Variants in CLNK observed in about 807,000 individuals in gnomAD.
CLNK encodes the protein cytokine dependent hematopoietic cell linker.
In CLNK, 74 loss-of-function variants were observed where a neutral mutation model predicts 68.6. The ratio of observed to expected loss-of-function variants is 1.08; its 90% CI spans 0.89 to 1.31. CLNK has a LOEUF of 1.31. Ranked by LOEUF, CLNK falls within the 50% of genes most tolerant of loss-of-function variation. The probability of loss-of-function intolerance (pLI) is 0.00; values close to 1 mark genes in which losing one functional copy is unlikely to be tolerated. For synonymous variants in CLNK, 198 were observed against 172.2 expected, an observed-to-expected ratio of 1.15 and a Z score of -1.17; for missense variants, 553 against 515.3, an observed-to-expected ratio of 1.07 and a Z score of -0.71.
chr4:10,610,692 C>T lies in CLNK; in HGVS notation c.12-12643G>A, dbSNP rs1429046040. Among the ~76,000 whole-genome samples the T allele has an allele frequency of 3.3e-5, 5 of 151,686 alleles. No individual in the cohort carries two copies. In the East Asian group the frequency reaches 5.8e-4, roughly 18 times the overall value. The stretch of plus-strand genomic sequence containing the variant: ...ATTACCCCTTTTATAGGTCCATAGA[C>T]GTGTTCCTGGTGGTTTAATTTATAG... On this transcript the variant is annotated intron_variant, in intron 2 of 18. Transcript: ENST00000226951.
At chr4:10,512,389 C>T (rs1717627631) in intron 16 of CLNK, among the ~76,000 whole-genome samples, 1 of 152,032 alleles carries the variant, frequency 6.6e-6, no homozygotes, top group African/African-American at 2.4e-5. Context: ...TGCCACCACG[C>T]CTGGCTAATT....
At chr4:10,576,063 G>A (rs1720552571) in intron 4 of CLNK, among the ~76,000 whole-genome samples, 1 of 152,166 alleles carries the variant, frequency 6.6e-6, no homozygotes, top group Non-Finnish European at 1.5e-5. Context: ...ATGGGCATAT[G>A]GTGAATGCAC....
At chr4:10,687,204 G>GA (rs57990237), upstream of CLNK, among the ~76,000 whole-genome samples, 46,827 of 140,142 alleles carry the variant, frequency 0.33, 7,535 homozygotes, top group African/African-American at 0.39. Context: ...ATATAGAGGT[G>GA]AAAAAAAAAA....
At chr4:10,659,556 TA>T (rs1219478113) in intron 2 of CLNK, among the ~76,000 whole-genome samples, 10 of 152,234 alleles carry the variant, frequency 6.6e-5, no homozygotes, top group African/African-American at 1.2e-4. Context: ...TATTTGACTT[TA>T]TCATCTCCTT....
intron 11 of CLNK, among the ~76,000 whole-genome samples, chr4:10,536,439 A>G (rs2108805254): frequency 6.6e-6 from 1 of 152,320 alleles, no homozygotes; most frequent in African/African-American, 2.4e-5. Flanking sequence ...TTGAAAGCAC[A>G]TCTCTCTTTC....
chr4:10,514,451 C>T (rs570086645), intron 15 of CLNK, among the ~76,000 whole-genome samples: 4 of 148,398 alleles, frequency 2.7e-5, no homozygotes, highest in South Asian at 2.2e-4. Context: ...ACGCTGCATA[C>T]CTACAACTAT....
intron 2 of CLNK, among the ~76,000 whole-genome samples, chr4:10,634,333 G>A (rs961513883): frequency 3.3e-5 from 5 of 152,208 alleles, no homozygotes; most frequent in African/African-American, 4.8e-5. Flanking sequence ...CGTTAGCACC[G>A]AGTCAGTGGG....
At chr4:10,725,857 A>G in the CLNK span, among the ~76,000 whole-genome samples, 13 of 151,818 alleles carry the variant, frequency 8.6e-5, no homozygotes, top group Admixed American at 7.2e-4. Context: ...CCGTCTAAAA[A>G]AAAAAAAGAA....
At chr4:10,599,072 T>G (rs1313961971) in intron 2 of CLNK, among the ~76,000 whole-genome samples, 7 of 152,254 alleles carry the variant, frequency 4.6e-5, no homozygotes, top group Non-Finnish European at 8.8e-5. Flanking sequence ...GACTCGCTCC[T>G]TCACAGCACT....
Position 10,684,717 on chromosome 4 carries a change from C to T in CLNK, c.-92G>A, listed in dbSNP as rs1725207067. On this transcript the variant is annotated 5_prime_UTR_variant, in exon 1 of 19. Transcript: ENST00000226951. The stretch of plus-strand genomic sequence containing the variant: ...GGATCTAGGCTGAGGTGTCCGTCTC[C>T]TGTGAGGAGGGGCGGCAGTGCAGAG... 6.6e-6 allele frequency: 1 copy of T among 152,224 alleles called. No homozygotes were observed. The allele number at this position is 152,224 out of a possible 1,614,324, so 9.4% of individuals were successfully genotyped here. A position where few individuals can be genotyped will look rare whatever the true frequency, so the allele number is the denominator to read the frequency against.
chr4:10,670,712 A>T (rs1410290583), intron 1 of CLNK, among the ~76,000 whole-genome samples: 3 of 64,224 alleles, frequency 4.7e-5, no homozygotes, highest in Non-Finnish European at 9.7e-5. Flanking sequence ...TAGTTTCATT[A>T]AAAAAAAATA....
At chr4:10,718,408 A>G in the CLNK span, among the ~76,000 whole-genome samples, 6 of 152,186 alleles carry the variant, frequency 3.9e-5, no homozygotes, top group Admixed American at 2.0e-4. Flanking sequence ...GAGAAACAAT[A>G]TCATATAAAG....
At chr4:10,502,461 T>A (rs1468460822) in intron 17 of CLNK, among the ~76,000 whole-genome samples, 1 of 152,004 alleles carries the variant, frequency 6.6e-6, no homozygotes. Flanking sequence ...CAAGATGAGA[T>A]CTGTGTAGGG....
intron 2 of CLNK, among the ~76,000 whole-genome samples, chr4:10,641,439 C>A (rs1440166833): frequency 6.6e-6 from 1 of 152,122 alleles, no homozygotes; most frequent in Non-Finnish European, 1.5e-5. Flanking sequence ...GGGTAAACTG[C>A]AGAAAATACT....
intron 16 of CLNK, among the ~76,000 whole-genome samples, chr4:10,508,358 G>T (rs1338058273): frequency 6.6e-6 from 1 of 152,128 alleles, no homozygotes; most frequent in African/African-American, 2.4e-5. Flanking sequence ...GCTGAGGCTT[G>T]TTGAGGTGGA....
At chr4:10,651,462 TC>T (rs1396845065) in intron 2 of CLNK, among the ~76,000 whole-genome samples, 1 of 151,970 alleles carries the variant, frequency 6.6e-6, no homozygotes, top group Non-Finnish European at 1.5e-5. Context: ...AAAACCTAAC[TC>T]CGTATGTTCT....
chr4:10,536,377 G>A (rs989258967), intron 11 of CLNK, among the ~76,000 whole-genome samples: 3 of 152,120 alleles, frequency 2.0e-5, no homozygotes, highest in Admixed American at 1.3e-4. Context: ...ATGGGACTTG[G>A]GCATCACTAA....
At chr4:10,704,435 A>C in the CLNK span, among the ~76,000 whole-genome samples, 5 of 151,642 alleles carry the variant, frequency 3.3e-5, no homozygotes, top group Admixed American at 3.3e-4. Context: ...CTGCAAACTT[A>C]ATTTTTCTTT....
At chr4:10,665,274 C>T (rs1295702386) in intron 2 of CLNK, among the ~76,000 whole-genome samples, 1 of 152,170 alleles carries the variant, frequency 6.6e-6, no homozygotes. Context: ...TCAACAGAGA[C>T]CAACTCCCTG....
Sources: gnomAD v4.1 joint callset for allele counts (sites outside exome capture counted in the v4.1 genomes callset) on GRCh38, gnomAD v4.1.1 for gene constraint, MANE v1.5 for transcripts, NCBI Gene and HGNC (gene_info 2026-07-23, HGNC 2026-07-21) for gene names.